DLGAP1: variants seen among roughly 807,000 people sequenced by gnomAD.
DLGAP1 encodes disks large-associated protein 1.
A neutral mutation model predicts 90.8 loss-of-function variants in DLGAP1; 11 were observed. The observed-to-expected ratio is 0.12, with a 90% confidence interval of 0.08 to 0.20. The LOEUF is 0.20. Ranked by LOEUF, DLGAP1 falls within the 10% of genes least tolerant of loss-of-function variation. The pLI is 1.00. For missense variants in DLGAP1, 1,050 were observed against 1,333.8 expected (o/e 0.79, Z 3.31); for synonymous variants, 558 against 540.7 (o/e 1.03, Z -0.44).
intron 3 of DLGAP1, among the ~76,000 whole-genome samples, chr18:3,895,210 CA>C (rs2148867105): frequency 6.6e-6 from 1 of 151,620 alleles, no homozygotes; most frequent in Non-Finnish European, 1.5e-5. Context: ...AAAGCTATGG[CA>C]AAATCATGAT....
chr18:4,213,025 T>C (rs537937491), intron 1 of DLGAP1, among the ~76,000 whole-genome samples: 1 of 152,318 alleles, frequency 6.6e-6, no homozygotes, highest in East Asian at 1.9e-4. Context: ...TAAAGCATAA[T>C]TATAGTACTT....
At chr18:3,756,633 T>C (rs907509471) in intron 5 of DLGAP1, among the ~76,000 whole-genome samples, 1 of 151,512 alleles carries the variant, frequency 6.6e-6, no homozygotes, top group African/African-American at 2.4e-5. Flanking sequence ...TGGAAATAAA[T>C]GAAATGGAAA....
intron 7 of DLGAP1, among the ~76,000 whole-genome samples, chr18:3,609,822 C>G (rs113474550): frequency 0.022 from 3,316 of 151,570 alleles, 57 homozygotes; most frequent in Middle Eastern, 0.068. Context: ...CTTTGGGAGG[C>G]CGAGGTGGGT....
Position 4,296,656 on chromosome 18 carries a change from C to G in DLGAP1, c.-266-145369G>C, listed in dbSNP as rs565528998. Among the ~76,000 whole-genome samples the G allele has an allele frequency of 2.6e-5, 4 of 152,336 alleles. No homozygotes were observed. The South Asian group carries it at 8.3e-4, about 32-fold the overall frequency. The stretch of plus-strand genomic sequence containing the variant: ...AATAGCTCTGTAACGTCTACATTCT[C>G]TGGTGGACAAAACATTTTTTGTTCC... On this transcript the variant is annotated intron_variant, in intron 1 of 12. Transcript: ENST00000315677.
At chr18:4,011,218 C>T (rs898616878) in intron 2 of DLGAP1, among the ~76,000 whole-genome samples, 4 of 150,196 alleles carry the variant, frequency 2.7e-5, no homozygotes, top group Non-Finnish European at 5.9e-5. Flanking sequence ...TGCCATCAGA[C>T]GCTCTCTGTC....
intron 4 of DLGAP1, among the ~76,000 whole-genome samples, chr18:3,843,379 T>C (rs1023930670): frequency 1.3e-5 from 2 of 152,170 alleles, no homozygotes; most frequent in African/African-American, 4.8e-5. Context: ...TATGTAGCAA[T>C]TGCGGATAAA....
At chr18:3,633,636 C>T (rs2058598340) in intron 7 of DLGAP1, among the ~76,000 whole-genome samples, 1 of 152,168 alleles carries the variant, frequency 6.6e-6, no homozygotes, top group Non-Finnish European at 1.5e-5. Flanking sequence ...TAAAATTTCA[C>T]TGAAATTGCA....
intron 10 of DLGAP1, among the ~76,000 whole-genome samples, chr18:3,513,433 A>C (rs1180261621): frequency 2.6e-5 from 4 of 152,218 alleles, no homozygotes; most frequent in African/African-American, 9.7e-5. Context: ...GGCATGCACC[A>C]CTATGCCAGG....
chr18:3,752,782 C>G (rs1433603816), intron 5 of DLGAP1, among the ~76,000 whole-genome samples: 2 of 151,752 alleles, frequency 1.3e-5, no homozygotes, highest in African/African-American at 4.8e-5. Context: ...GTTGGGACTA[C>G]ATGTAGGTGC....
At chr18:3,878,450 C>A (rs2071058945) in intron 4 of DLGAP1, among the ~76,000 whole-genome samples, 1 of 152,136 alleles carries the variant, frequency 6.6e-6, no homozygotes, top group Admixed American at 6.6e-5. Flanking sequence ...TTGTATTTTA[C>A]TTCTCTAATC....
At chr18:3,611,780 G>C (rs57991596) in intron 7 of DLGAP1, among the ~76,000 whole-genome samples, 2 of 152,008 alleles carry the variant, frequency 1.3e-5, no homozygotes, top group African/African-American at 4.8e-5. Flanking sequence ...AAACAAAAAA[G>C]CTTACAAGTA....
chr18:4,138,640 T>A (rs2076445612), intron 2 of DLGAP1, among the ~76,000 whole-genome samples: 1 of 152,106 alleles, frequency 6.6e-6, no homozygotes, highest in Admixed American at 6.6e-5. Flanking sequence ...ATCAGAGTAA[T>A]ACTGGCCTTG....
intron 7 of DLGAP1, among the ~76,000 whole-genome samples, chr18:3,680,442 T>C (rs951949813): frequency 9.9e-5 from 15 of 152,146 alleles, no homozygotes; most frequent in African/African-American, 3.6e-4. Flanking sequence ...TTTTACCTAA[T>C]CTATTCTGTT....
intron 3 of DLGAP1, among the ~76,000 whole-genome samples, chr18:3,956,561 G>T (rs757322665): frequency 8.5e-5 from 13 of 152,120 alleles, no homozygotes; most frequent in Non-Finnish European, 1.5e-4. Context: ...TGTTAGCCAG[G>T]ATGGTCTCAA....
chr18:3,982,231 C>T (rs1681854921), intron 3 of DLGAP1, among the ~76,000 whole-genome samples: 1 of 152,100 alleles, frequency 6.6e-6, no homozygotes, highest in Non-Finnish European at 1.5e-5. Context: ...CTGTGATTTT[C>T]ACCTTGCTTT....
chr18:4,321,856 C>T (rs1410732841), intron 1 of DLGAP1, among the ~76,000 whole-genome samples: 1 of 152,048 alleles, frequency 6.6e-6, no homozygotes, highest in African/African-American at 2.4e-5. Context: ...CAGATGTTGT[C>T]TCAAGCAAAA....
chr18:3,875,007 A>G (rs757474968), intron 4 of DLGAP1, among the ~76,000 whole-genome samples: 1 of 152,204 alleles, frequency 6.6e-6, no homozygotes, highest in Non-Finnish European at 1.5e-5. Context: ...GCCTAAATTA[A>G]GCGAATTCTA....
At chr18:4,116,120 C>T (rs995244888) in intron 2 of DLGAP1, among the ~76,000 whole-genome samples, 4 of 152,040 alleles carry the variant, frequency 2.6e-5, no homozygotes, top group Admixed American at 2.6e-4. Flanking sequence ...TTTTATTTTG[C>T]CTTCATTTTT....
intron 4 of DLGAP1, among the ~76,000 whole-genome samples, chr18:3,856,466 G>T (rs1442943949): frequency 3.9e-5 from 6 of 152,142 alleles, no homozygotes; most frequent in Non-Finnish European, 8.8e-5. Context: ...GAGGAACTCT[G>T]GTGAAGTGAG....
Sources: gnomAD v4.1 joint callset for allele counts (sites outside exome capture counted in the v4.1 genomes callset) on GRCh38, gnomAD v4.1.1 for gene constraint, MANE v1.5 for transcripts, NCBI Gene and HGNC (gene_info 2026-07-23, HGNC 2026-07-21) for gene names.